ARHGEF10L: variants seen among roughly 807,000 people sequenced by gnomAD.
ARHGEF10L encodes Rho guanine nucleotide exchange factor 10 like.
In ARHGEF10L, 69 loss-of-function variants were observed where a neutral mutation model predicts 141.2. That is an observed-to-expected ratio of 0.49 (90% CI 0.40 to 0.60). The LOEUF (loss-of-function observed/expected upper bound fraction) is 0.60. ARHGEF10L is among the 20% of genes least tolerant of loss of function. The pLI, the probability that ARHGEF10L is intolerant of heterozygous loss-of-function variation, is 0.00. For missense variants in ARHGEF10L, 1,482 were observed against 1,734.3 expected (o/e 0.85, Z 2.58); for synonymous variants, 711 against 718.5 (o/e 0.99, Z 0.17).
intron 1 of ARHGEF10L, among the ~76,000 whole-genome samples, chr1:17,547,058 C>T (rs772975060): frequency 6.6e-6 from 1 of 152,256 alleles, no homozygotes; most frequent in Non-Finnish European, 1.5e-5. Flanking sequence ...GCAGCGCCAA[C>T]CCTCCCAGGG....
rs1010661887 is a variant in ARHGEF10L at position 17,579,030 on chromosome 1, T to TA, written c.-43-1521dup. Among the ~76,000 whole-genome samples, 28 of 151,718 alleles carry TA rather than the reference T, an allele frequency of 1.8e-4. 1 individual carries two copies. In the South Asian group the frequency reaches 3.1e-3, roughly 17 times the overall value. ...GGAGGTTGACTAACTTTTTTTTTTT[T>TA]AATTTTTTGAGACAGAGTCTTGCTC... On this transcript the variant is annotated intron_variant, in intron 1 of 28. Transcript: ENST00000361221.
At chr1:17,563,053 G>A (rs939307615) in intron 1 of ARHGEF10L, among the ~76,000 whole-genome samples, 3 of 152,044 alleles carry the variant, frequency 2.0e-5, no homozygotes, top group African/African-American at 7.3e-5. Context: ...GGCTGGATGC[G>A]GGGAGGAGGC....
At chr1:17,553,801 A>T (rs148562745) in intron 1 of ARHGEF10L, among the ~76,000 whole-genome samples, 32 of 152,244 alleles carry the variant, frequency 2.1e-4, no homozygotes, top group African/African-American at 7.5e-4. Flanking sequence ...AAAAATAAAA[A>T]ATATATAGCT....
At chr1:17,660,483 G>A (rs2062553216) in intron 25 of ARHGEF10L, among the ~76,000 whole-genome samples, 1 of 152,216 alleles carries the variant, frequency 6.6e-6, no homozygotes, top group African/African-American at 2.4e-5. Flanking sequence ...TGGAGGATTG[G>A]CACCTCCCAC....
chr1:17,538,119 C>G (rs75704715), upstream of ARHGEF10L, among the ~76,000 whole-genome samples: 1 of 152,096 alleles, frequency 6.6e-6, no homozygotes. Context: ...TTGGAGTACA[C>G]TGTGAAAGAC....
At chr1:17,677,952 C>CTCTCTGACT (rs2063829077) in intron 26 of ARHGEF10L, among the ~76,000 whole-genome samples, 2 of 152,174 alleles carry the variant, frequency 1.3e-5, no homozygotes, top group African/African-American at 4.8e-5. Context: ...CCTCCCTGTC[C>CTCTCTGACT]TCTCTGACTA....
At chr1:17,583,708 C>T (rs1246528089) in intron 2 of ARHGEF10L, among the ~76,000 whole-genome samples, 1 of 152,096 alleles carries the variant, frequency 6.6e-6, no homozygotes, top group Non-Finnish European at 1.5e-5. Flanking sequence ...AGACCCCCAC[C>T]CCCACTCCCT....
At chr1:17,592,332 T>A (rs537587667) in intron 4 of ARHGEF10L, among the ~76,000 whole-genome samples, 3 of 152,348 alleles carry the variant, frequency 2.0e-5, no homozygotes, top group African/African-American at 7.2e-5. Context: ...TTTTGGCTCC[T>A]GGCCCTGGTC....
intron 22 of ARHGEF10L, 106 bp downstream of exon 22, chr1:17,648,781 G>C: frequency 1.4e-6 from 2 of 1,436,778 alleles, no homozygotes; most frequent in Non-Finnish European, 9.3e-7. Flanking sequence ...GGAAGGCTCA[G>C]GTTCCAGCTG....
chr1:17,530,184 C>T, the ARHGEF10L span, among the ~76,000 whole-genome samples: 2 of 152,042 alleles, frequency 1.3e-5, no homozygotes, highest in African/African-American at 2.4e-5. Context: ...GTGCTGGGCA[C>T]ACCCTAGGCA....
chr1:17,657,342 T>G (rs994562365), intron 25 of ARHGEF10L, among the ~76,000 whole-genome samples: 1 of 152,208 alleles, frequency 6.6e-6, no homozygotes, highest in African/African-American at 2.4e-5. Flanking sequence ...TTCCTTTGCT[T>G]TACTGAGATG....
chr1:17,627,264 C>T lies in ARHGEF10L; in HGVS notation c.1411-66C>T. ...GTGTAGGGGGTTGCGCAGGGTGAGG[C>T]TTTGCCCCAGGCTGGGGTAGAGTTG... On this transcript the variant is annotated intron_variant, in intron 14 of 28. Coordinates refer to ENST00000361221, the MANE Select transcript of ARHGEF10L (RefSeq NM_018125.4). The surrounding 1 kb of genome is among the most constrained non-coding windows in gnomAD (Gnocchi z 4.0). The T allele has an allele frequency of 6.4e-7, 1 of 1,574,346 alleles. No individual in the cohort carries two copies. The highest frequency in any genetic ancestry group is 8.7e-7 in the Non-Finnish European group (1 of 1,154,970).
At chr1:17,521,055 G>A in the ARHGEF10L span, among the ~76,000 whole-genome samples, 1 of 152,188 alleles carries the variant, frequency 6.6e-6, no homozygotes, top group East Asian at 1.9e-4. Flanking sequence ...TGCAGCTGGT[G>A]GGAGCCATTT....
chr1:17,617,151 G>C lies in ARHGEF10L; in HGVS notation c.835+949G>C, dbSNP rs148195310. On this transcript the variant is annotated intron_variant, in intron 9 of 28. Coordinates refer to ENST00000361221, the MANE Select transcript of ARHGEF10L (RefSeq NM_018125.4). The stretch of plus-strand genomic sequence containing the variant: ...CCAGGGTCCGGTCAGTACAGGCTCT[G>C]TCAGCCTTGCTGGGCATTTGCCTTT... 2.4e-4 allele frequency among the ~76,000 whole-genome samples: 37 copies of C among 152,370 alleles called. 1 individual carries two copies. The East Asian group carries it at 5.0e-3, about 21-fold the overall frequency.
chr1:17,550,837 T>TGGA (rs1237165509), intron 1 of ARHGEF10L, among the ~76,000 whole-genome samples: 1 of 150,910 alleles, frequency 6.6e-6, no homozygotes, highest in African/African-American at 2.4e-5. Context: ...TATAGTCTGG[T>TGGA]GGAGGAGGAG....
chr1:17,579,241 G>A (rs191210822), intron 1 of ARHGEF10L, among the ~76,000 whole-genome samples: 4 of 152,230 alleles, frequency 2.6e-5, no homozygotes, highest in South Asian at 2.1e-4. Context: ...GGCTGGTCTC[G>A]AACTCCTGAC....
upstream of ARHGEF10L, among the ~76,000 whole-genome samples, chr1:17,534,818 A>G (rs1164607542): frequency 1.3e-5 from 2 of 151,664 alleles, 1 homozygote; most frequent in African/African-American, 4.8e-5. Context: ...CAAACTCCTG[A>G]CCTCAGATGA....
At chr1:17,602,587 G>A (rs1428278050) in intron 5 of ARHGEF10L, among the ~76,000 whole-genome samples, 1 of 152,202 alleles carries the variant, frequency 6.6e-6, no homozygotes, top group African/African-American at 2.4e-5. Context: ...GCAGGGGTGG[G>A]GGAAAGAGGG....
intron 26 of ARHGEF10L, among the ~76,000 whole-genome samples, chr1:17,686,788 T>C (rs2064637872): frequency 6.6e-6 from 1 of 152,126 alleles, no homozygotes; most frequent in Non-Finnish European, 1.5e-5. Flanking sequence ...GCTTGATCAT[T>C]TGTATCTTCT....
Sources: allele counts gnomAD v4.1 joint callset (sites outside exome capture counted in the v4.1 genomes callset), GRCh38; gene constraint gnomAD v4.1.1; non-coding constraint Gnocchi (gnomAD v3.1); transcripts MANE v1.5; gene names NCBI Gene and HGNC (gene_info 2026-07-23, HGNC 2026-07-21).